The following ATP8A2 variants were observed in gnomAD, a reference collection of about 807,000 sequenced individuals.
ATP8A2 encodes ATPase phospholipid transporting 8A2, also known as phospholipid-transporting ATPase IB.
In ATP8A2, 100 loss-of-function variants were observed where a neutral mutation model predicts 165.6. The ratio of observed to expected loss-of-function variants is 0.60; its 90% CI spans 0.51 to 0.71. The LOEUF (loss-of-function observed/expected upper bound fraction) is 0.71, where lower values mean the gene tolerates loss of function less well. Ranked by LOEUF, ATP8A2 falls within the 30% of genes least tolerant of loss-of-function variation. The pLI, the probability that ATP8A2 is intolerant of heterozygous loss-of-function variation, is 0.00. For synonymous variants in ATP8A2, 543 were observed against 548.8 expected (o/e 0.99, Z 0.15); for missense variants, 1,227 against 1,479.5 (o/e 0.83, Z 2.80).
chr13:25,705,032 G>A, intron 25 of ATP8A2: 1 of 262,666 alleles, frequency 3.8e-6, no homozygotes, highest in East Asian at 1.3e-4. Flanking sequence ...TCAACATAAA[G>A]TCTTGTAGGA....
In ATP8A2 at chr13:25,868,309, G is replaced by A. The variant is rs373341500; in HGVS notation, c.3183+5901G>A. On this transcript the variant is annotated intron_variant, in intron 33 of 36. Coordinates refer to ENST00000381655, the MANE Select transcript of ATP8A2 (RefSeq NM_016529.6). ...AAACACTGAATGAGCATATCTTAAG[G>A]TTACTGGAATTAATCTTTAATGCAA... is the stretch of plus-strand genomic sequence containing the variant. Among the ~76,000 whole-genome samples the A allele has an allele frequency of 1.2e-4, 19 of 152,216 alleles. 1 individual carries two copies. The South Asian group carries it at 3.5e-3, about 28-fold the overall frequency.
At chr13:25,469,921 A>C (rs191323277) in intron 2 of ATP8A2, among the ~76,000 whole-genome samples, 19 of 152,342 alleles carry the variant, frequency 1.2e-4, no homozygotes, top group Middle Eastern at 3.4e-3. Flanking sequence ...AGGCTTAAAC[A>C]ACTTTGTATC....
At chr13:25,530,149 G>A (rs771965838) in intron 3 of ATP8A2, 51 bp downstream of exon 3, 1 of 1,193,930 alleles carries the variant, frequency 8.4e-7, no homozygotes, top group Non-Finnish European at 1.2e-6. Flanking sequence ...CATGTAAAAT[G>A]AGATTTTGCT....
At chr13:25,694,720 G>A (rs1196248367) in intron 24 of ATP8A2, among the ~76,000 whole-genome samples, 1 of 152,186 alleles carries the variant, frequency 6.6e-6, no homozygotes, top group Non-Finnish European at 1.5e-5. Context: ...GCTGTTGCTG[G>A]ACTGCAGTGG....
intron 33 of ATP8A2, among the ~76,000 whole-genome samples, chr13:25,901,604 TAC>T (rs1312149725): frequency 2.6e-5 from 4 of 152,310 alleles, no homozygotes; most frequent in African/African-American, 9.6e-5. Context: ...ATTATTTTTA[TAC>T]ACAAATCTTA....
At chr13:25,628,396 C>G (rs999985741) in intron 24 of ATP8A2, among the ~76,000 whole-genome samples, 8 of 152,308 alleles carry the variant, frequency 5.3e-5, no homozygotes, top group Admixed American at 2.0e-4. Flanking sequence ...AGCCATTACT[C>G]TGAGCTTCTC....
intron 33 of ATP8A2, among the ~76,000 whole-genome samples, chr13:25,949,953 C>T (rs1220709435): frequency 6.6e-6 from 1 of 152,112 alleles, no homozygotes; most frequent in Non-Finnish European, 1.5e-5. Flanking sequence ...GCACACACCA[C>T]CACGCCTGGC....
intron 19 of ATP8A2, among the ~76,000 whole-genome samples, chr13:25,576,766 T>TA (rs2039630327): frequency 6.6e-6 from 1 of 152,090 alleles, no homozygotes; most frequent in South Asian, 2.1e-4. Context: ...GAGAGTAGAG[T>TA]CAGAAGTCAA....
intron 24 of ATP8A2, among the ~76,000 whole-genome samples, chr13:25,595,881 T>C (rs1249807558): frequency 1.3e-5 from 2 of 152,068 alleles, no homozygotes; most frequent in African/African-American, 2.4e-5. Context: ...GTCAAGGGAT[T>C]TGGATTCATT....
intron 1 of ATP8A2, among the ~76,000 whole-genome samples, chr13:25,445,917 T>C (rs1181306474): frequency 6.6e-6 from 1 of 152,180 alleles, no homozygotes; most frequent in Non-Finnish European, 1.5e-5. Context: ...TTCCCAGCGC[T>C]ACTACTTACT....
intron 10 of ATP8A2, 85 bp downstream of exon 10, chr13:25,543,487 AG>A: frequency 1.1e-6 from 1 of 879,398 alleles, no homozygotes; most frequent in South Asian, 1.9e-5. Context: ...TGTTGCATTT[AG>A]GAAGTTCAAA....
chr13:25,554,938 G>A, intron 12 of ATP8A2, 53 bp from the exon 13 acceptor site: 1 of 1,109,624 alleles, frequency 9.0e-7, no homozygotes, highest in Non-Finnish European at 1.4e-6. Flanking sequence ...TCTGAATGAA[G>A]AATTAATGGT....
intron 1 of ATP8A2, among the ~76,000 whole-genome samples, chr13:25,400,912 A>G (rs1207776998): frequency 1.3e-5 from 2 of 152,212 alleles, no homozygotes; most frequent in African/African-American, 2.4e-5. Flanking sequence ...TGATATTTCA[A>G]CAACAGGAAG....
chr13:25,681,967 C>T (rs553955418), intron 24 of ATP8A2, among the ~76,000 whole-genome samples: 6 of 152,230 alleles, frequency 3.9e-5, no homozygotes, highest in African/African-American at 1.2e-4. Flanking sequence ...CGAGTGACGG[C>T]GTTGGACTAG....
At chr13:25,666,234 C>G (rs2042151242) in intron 24 of ATP8A2, among the ~76,000 whole-genome samples, 2 of 151,264 alleles carry the variant, frequency 1.3e-5, no homozygotes, top group Admixed American at 1.3e-4. Flanking sequence ...TTTTTGAGAC[C>G]TAGTCTTGCT....
intron 24 of ATP8A2, among the ~76,000 whole-genome samples, chr13:25,654,989 G>A (rs1204031465): frequency 6.6e-6 from 1 of 152,136 alleles, no homozygotes; most frequent in Non-Finnish European, 1.5e-5. Flanking sequence ...GATGTGGACA[G>A]GTGGAAAAAG....
chr13:25,837,572 C>T (rs147901055), intron 29 of ATP8A2, among the ~76,000 whole-genome samples: 43 of 152,172 alleles, frequency 2.8e-4, no homozygotes, highest in Non-Finnish European at 5.6e-4. Context: ...CCCGCTTCTC[C>T]CCGTCAGCCC....
intron 35 of ATP8A2, among the ~76,000 whole-genome samples, chr13:25,979,623 T>C (rs879405359): frequency 2.0e-5 from 3 of 152,246 alleles, no homozygotes; most frequent in Non-Finnish European, 4.4e-5. Context: ...GTGATTGGCC[T>C]AATGTGGGGC....
chr13:25,983,723 T>G (rs2057268931), intron 35 of ATP8A2, among the ~76,000 whole-genome samples: 2 of 152,176 alleles, frequency 1.3e-5, no homozygotes, highest in South Asian at 4.1e-4. Context: ...GGCAAAAGCA[T>G]GTATCAAACC....
Sources: gnomAD v4.1 joint callset for allele counts (sites outside exome capture counted in the v4.1 genomes callset) on GRCh38, gnomAD v4.1.1 for gene constraint, MANE v1.5 for transcripts, NCBI Gene and HGNC (gene_info 2026-07-23, HGNC 2026-07-21) for gene names.